The following COL26A1 variants were observed in gnomAD, a reference collection of about 807,000 sequenced individuals.
COL26A1 encodes the protein collagen type XXVI alpha 1 chain.
A neutral mutation model predicts 59.3 loss-of-function variants in COL26A1; 41 were observed. That is an observed-to-expected ratio of 0.69 (90% CI 0.54 to 0.90). COL26A1 has a LOEUF of 0.90. Among genes scored for constraint, COL26A1 ranks in the 40% least tolerant of loss-of-function variants. The pLI is 0.00. For synonymous variants in COL26A1, 266 were observed against 256.0 expected (o/e 1.04, Z -0.37); for missense variants, 612 against 602.3 (o/e 1.02, Z -0.17).
At chr7:101,389,666 G>A (rs796951845) in intron 1 of COL26A1, among the ~76,000 whole-genome samples, 9 of 151,998 alleles carry the variant, frequency 5.9e-5, no homozygotes, top group African/African-American at 1.4e-4. Context: ...AGAAATTCTC[G>A]TGCCTCAGCC....
intron 3 of COL26A1, among the ~76,000 whole-genome samples, chr7:101,527,928 C>T (rs765772220): frequency 1.3e-5 from 2 of 152,102 alleles, no homozygotes; most frequent in South Asian, 2.1e-4. Flanking sequence ...ATCAGCACCC[C>T]CATCACCATT....
At chr7:101,378,909 C>G (rs1264628565) in intron 1 of COL26A1, among the ~76,000 whole-genome samples, 3 of 152,008 alleles carry the variant, frequency 2.0e-5, no homozygotes, top group Admixed American at 6.6e-5. Context: ...GGGTTTGTTG[C>G]AGGATGTCTG....
intron 2 of COL26A1, among the ~76,000 whole-genome samples, chr7:101,444,087 A>G (rs1001914518): frequency 6.6e-6 from 1 of 151,882 alleles, no homozygotes; most frequent in Non-Finnish European, 1.5e-5. Context: ...TATATTGCCC[A>G]GGCTGGTCTC....
intron 3 of COL26A1, among the ~76,000 whole-genome samples, chr7:101,474,980 G>A (rs1175416032): frequency 3.3e-5 from 5 of 152,158 alleles, no homozygotes; most frequent in Non-Finnish European, 7.4e-5. Context: ...ATCCCTTGAG[G>A]TTAGGAGTTC....
chr7:101,469,831 AC>A (rs1484028516), intron 3 of COL26A1, among the ~76,000 whole-genome samples: 1 of 151,914 alleles, frequency 6.6e-6, no homozygotes, highest in Non-Finnish European at 1.5e-5. Flanking sequence ...ATTCGCTAGA[AC>A]CACTCACAGA....
intron 1 of COL26A1, among the ~76,000 whole-genome samples, chr7:101,397,493 T>G (rs999375296): frequency 2.0e-4 from 29 of 147,954 alleles, no homozygotes; most frequent in African/African-American, 7.3e-4. Flanking sequence ...CTCCTTTCCT[T>G]CTCCTTCTCC....
chr7:101,367,002 A>T (rs1308202634), intron 1 of COL26A1, among the ~76,000 whole-genome samples: 1 of 152,004 alleles, frequency 6.6e-6, no homozygotes. Context: ...TTTCCTTCCC[A>T]GTGGTGTAGT....
chr7:101,456,556 C>T (rs145799138), intron 3 of COL26A1, among the ~76,000 whole-genome samples: 7,489 of 151,898 alleles, frequency 0.049, 254 homozygotes, highest in Non-Finnish European at 0.074. Flanking sequence ...CCCAGCTACT[C>T]GGGAGGCTGA....
chr7:101,537,880 C>T (rs1795513449), intron 4 of COL26A1, among the ~76,000 whole-genome samples: 1 of 152,136 alleles, frequency 6.6e-6, no homozygotes, highest in Admixed American at 6.6e-5. Context: ...TTGGGACCAC[C>T]CCCTGTTAAA....
chr7:101,508,353 C>G (rs1197350252), intron 3 of COL26A1, among the ~76,000 whole-genome samples: 1 of 152,074 alleles, frequency 6.6e-6, no homozygotes, highest in Non-Finnish European at 1.5e-5. Context: ...GAGACCCCAT[C>G]TCTACAAAAA....
chr7:101,386,935 C>G (rs1205919161), intron 1 of COL26A1, among the ~76,000 whole-genome samples: 1 of 152,154 alleles, frequency 6.6e-6, no homozygotes, highest in Non-Finnish European at 1.5e-5. Flanking sequence ...GGACAGCTGT[C>G]TCAGCGTCGG....
chr7:101,445,625 G>A (rs1305926501), intron 2 of COL26A1, among the ~76,000 whole-genome samples: 4 of 151,190 alleles, frequency 2.6e-5, no homozygotes, highest in African/African-American at 4.9e-5. Flanking sequence ...CCAGCTGCTT[G>A]GGAGGCTGAG....
rs1274420145 is a variant in COL26A1 at position 101,549,145 on chromosome 7, G to A, written c.941-26G>A. On this transcript the variant is annotated intron_variant, in intron 8 of 12. Coordinates refer to ENST00000313669, the MANE Select transcript of COL26A1 (RefSeq NM_001278563.3). ...GGGGGCGCCCCCTCTCTGGCCCCAG[G>A]TGACCATCTGTGACTCTGCCCACAG... is the stretch of plus-strand genomic sequence containing the variant. 19 of 1,513,808 alleles carry A rather than the reference G, an allele frequency of 1.3e-5. No individual in the cohort carries two copies. In the Middle Eastern group the frequency reaches 1.1e-3, roughly 85 times the overall value. 93.8% of individuals were successfully genotyped at this position (1,513,808 alleles called of 1,614,324 possible). A position where few individuals can be genotyped will look rare whatever the true frequency, so the allele number is the denominator to read the frequency against.
intron 3 of COL26A1, among the ~76,000 whole-genome samples, chr7:101,461,300 TCC>T (rs1793604407): frequency 1.0e-5 from 1 of 97,918 alleles, no homozygotes; most frequent in Non-Finnish European, 2.0e-5. Flanking sequence ...CTCCTCCTCC[TCC>T]TCCTTCTTTT....
At chr7:101,380,735 A>T (rs140283147) in intron 1 of COL26A1, among the ~76,000 whole-genome samples, 5 of 152,322 alleles carry the variant, frequency 3.3e-5, no homozygotes, top group Non-Finnish European at 5.9e-5. Context: ...TTTAGAGATC[A>T]GCTTAAACAT....
At chr7:101,541,426 C>A (rs1295336519) in intron 5 of COL26A1, among the ~76,000 whole-genome samples, 1 of 152,040 alleles carries the variant, frequency 6.6e-6, no homozygotes, top group African/African-American at 2.4e-5. Flanking sequence ...TTCACTGCAG[C>A]CTTCATCTCC....
chr7:101,470,625 G>A (rs1295258636), intron 3 of COL26A1, among the ~76,000 whole-genome samples: 1 of 151,978 alleles, frequency 6.6e-6, no homozygotes, highest in Non-Finnish European at 1.5e-5. Context: ...TATGGAGGGT[G>A]GGGACGGGAT....
At chr7:101,376,417 C>G (rs1327334597) in intron 1 of COL26A1, among the ~76,000 whole-genome samples, 3 of 152,066 alleles carry the variant, frequency 2.0e-5, no homozygotes, top group Non-Finnish European at 4.4e-5. Flanking sequence ...GACTGCACAC[C>G]CTGTGAGATG....
Position 101,402,664 on chromosome 7 carries a change from C to CTCCT in COL26A1, c.159-17310_159-17309insTTCC, listed in dbSNP as rs1562963956. ...CTCCCTCCCTTCCTTCCTTCCTTCCCTCCCTCCCTCCTTCCCTCCCTCCTT... is the reference window on the plus strand; with the variant it reads ...CTCCCTCCCTTCCTTCCTTCCTTCCCTCCTTCCCTCCCTCCTTCCCTCCCTCCTT... On this transcript the variant is annotated intron_variant, in intron 1 of 12. Transcript: ENST00000313669. Among the ~76,000 whole-genome samples, 692 of 112,290 alleles carry CTCCT rather than the reference C, an allele frequency of 6.2e-3. 8 individuals are homozygous for CTCCT. Among genetic ancestry groups the CTCCT allele is most frequent in the African/African-American group, 0.024 (655 of 27,836 alleles). 73.7% of individuals were successfully genotyped at this position (112,290 alleles called of 152,430 possible).
Sources: gnomAD v4.1 joint callset for allele counts (sites outside exome capture counted in the v4.1 genomes callset) on GRCh38, gnomAD v4.1.1 for gene constraint, MANE v1.5 for transcripts, NCBI Gene and HGNC (gene_info 2026-07-23, HGNC 2026-07-21) for gene names.